The following RAD51B variants were observed in gnomAD, a reference collection of about 807,000 sequenced individuals.
The protein encoded by RAD51B is DNA repair protein RAD51 homolog 2.
Under a neutral mutation model 42.2 loss-of-function variants are expected in RAD51B, and 38 were observed. The ratio of observed to expected loss-of-function variants is 0.90; its 90% CI spans 0.70 to 1.18. RAD51B has a LOEUF of 1.18. Ranked by LOEUF, RAD51B falls within the 50% of genes most tolerant of loss-of-function variation. The probability of loss-of-function intolerance (pLI) is 0.00; values close to 1 mark genes in which losing one functional copy is unlikely to be tolerated. For missense variants in RAD51B, 373 were observed against 400.7 expected (o/e 0.93, Z 0.59); for synonymous variants, 154 against 145.2 (o/e 1.06, Z -0.43).
At chr14:68,642,823 G>T (rs575075966) in intron 10 of RAD51B, among the ~76,000 whole-genome samples, 2 of 152,162 alleles carry the variant, frequency 1.3e-5, no homozygotes, top group Non-Finnish European at 2.9e-5. Flanking sequence ...TTAAATCCAA[G>T]TATTTTTAAA....
At chr14:68,348,665 C>A (rs1319464539) in intron 8 of RAD51B, among the ~76,000 whole-genome samples, 1 of 152,134 alleles carries the variant, frequency 6.6e-6, no homozygotes, top group East Asian at 1.9e-4. Context: ...TTTGGGAGGC[C>A]GAGGTGGGCG....
In RAD51B at chr14:68,650,745, G is replaced by A. The variant is rs139103124; in HGVS notation, c.1037-36G>A. 138 of 735,668 alleles carry A rather than the reference G, an allele frequency of 1.9e-4. No homozygotes were observed. The East Asian group carries it at 3.3e-3, about 17-fold the overall frequency. 45.6% of individuals were successfully genotyped at this position (735,668 alleles called of 1,614,324 possible). A position where few individuals can be genotyped will look rare whatever the true frequency, so the allele number is the denominator to read the frequency against. ...AATCCTCTCAAAATAGGAAAAGCTAGGTTCCTTACAACCTATTTACTTTTT... is the reference window on the plus strand; with the variant it reads ...AATCCTCTCAAAATAGGAAAAGCTAAGTTCCTTACAACCTATTTACTTTTT... On this transcript the variant is annotated intron_variant, in intron 10 of 11. Coordinates refer to the RAD51B transcript ENST00000488612.
At chr14:68,312,214 C>A (rs950251556) in intron 8 of RAD51B, among the ~76,000 whole-genome samples, 10 of 152,138 alleles carry the variant, frequency 6.6e-5, no homozygotes, top group African/African-American at 2.2e-4. Flanking sequence ...AAGATTGGCT[C>A]AGCCTGCACT....
chr14:68,449,045 A>AT (rs1265952551), intron 9 of RAD51B, among the ~76,000 whole-genome samples: 1 of 152,188 alleles, frequency 6.6e-6, no homozygotes, highest in Non-Finnish European at 1.5e-5. Flanking sequence ...ATTATGGATA[A>AT]TTTTTCATGT....
intron 7 of RAD51B, among the ~76,000 whole-genome samples, chr14:67,983,527 AT>A (rs1468582054): frequency 6.6e-6 from 1 of 152,184 alleles, no homozygotes; most frequent in East Asian, 1.9e-4. Context: ...AGTTATACAA[AT>A]TTGTTAGCAT....
chr14:68,268,720 C>G (rs2081042992), intron 7 of RAD51B, among the ~76,000 whole-genome samples: 1 of 152,204 alleles, frequency 6.6e-6, no homozygotes, highest in South Asian at 2.1e-4. Context: ...CTCCATGAGA[C>G]TTTCAAATCC....
chr14:67,910,018 C>A (rs554851886), intron 7 of RAD51B, among the ~76,000 whole-genome samples: 49 of 152,192 alleles, frequency 3.2e-4, no homozygotes, highest in Admixed American at 5.9e-4. Flanking sequence ...ACTTGACAGG[C>A]CTTTGTTTAA....
At chr14:68,025,476 CTTT>C (rs765471138) in intron 7 of RAD51B, among the ~76,000 whole-genome samples, 325 of 40,942 alleles carry the variant, frequency 7.9e-3, no homozygotes, top group African/African-American at 0.025. Flanking sequence ...CTGGTCTAGG[CTTT>C]TTTTTTTTTT....
At chr14:68,080,181 T>C (rs2140487897) in intron 7 of RAD51B, among the ~76,000 whole-genome samples, 1 of 152,286 alleles carries the variant, frequency 6.6e-6, no homozygotes, top group East Asian at 1.9e-4. Flanking sequence ...GATTTTCCCA[T>C]TTGCAAAATA....
At chr14:67,823,663 A>T (rs188657838) in intron 2 of RAD51B, 36 bp downstream of exon 2, 2 of 1,515,476 alleles carry the variant, frequency 1.3e-6, no homozygotes, top group African/African-American at 1.4e-5. Flanking sequence ...GATAAGTTTT[A>T]TGCACAAGTT....
At chr14:68,521,078 T>A (rs886900556) in intron 10 of RAD51B, among the ~76,000 whole-genome samples, 20 of 152,074 alleles carry the variant, frequency 1.3e-4, no homozygotes, top group Non-Finnish European at 1.0e-4. Context: ...GAGTCTGTAG[T>A]GGAGTGGTGA....
chr14:67,823,449 T>A, intron 1 of RAD51B, 93 bp from the exon 2 acceptor site: 1 of 1,014,326 alleles, frequency 9.9e-7, no homozygotes, highest in Non-Finnish European at 1.5e-6. Context: ...CTTGAGGAAT[T>A]TTTAATTTTG....
chr14:68,087,358 G>T (rs1043928674), intron 7 of RAD51B, among the ~76,000 whole-genome samples: 1 of 151,972 alleles, frequency 6.6e-6, no homozygotes, highest in African/African-American at 2.4e-5. Context: ...AGACCCTCTG[G>T]AGACTTTTCC....
At chr14:68,464,108 T>C (rs917945915) in intron 9 of RAD51B, among the ~76,000 whole-genome samples, 1 of 152,230 alleles carries the variant, frequency 6.6e-6, no homozygotes, top group Non-Finnish European at 1.5e-5. Flanking sequence ...TCCCAAACAA[T>C]GTGTAGGATT....
At chr14:68,466,505 C>G (rs986038604) in intron 9 of RAD51B, among the ~76,000 whole-genome samples, 11 of 152,330 alleles carry the variant, frequency 7.2e-5, no homozygotes, top group Middle Eastern at 3.4e-3. Flanking sequence ...TGGCTCTGCC[C>G]TGAGAGGACT....
chr14:67,876,050 G>A (rs185468345), intron 5 of RAD51B, among the ~76,000 whole-genome samples: 3 of 152,080 alleles, frequency 2.0e-5, no homozygotes, highest in African/African-American at 7.2e-5. Flanking sequence ...GTGAATTAGT[G>A]GGGAGGGAGA....
intron 8 of RAD51B, among the ~76,000 whole-genome samples, chr14:68,392,519 A>T (rs1229549763): frequency 1.3e-5 from 2 of 152,166 alleles, no homozygotes; most frequent in Non-Finnish European, 2.9e-5. Context: ...TTTGAACTGA[A>T]TGATTTGATC....
At chr14:68,086,223 T>G (rs547385704) in intron 7 of RAD51B, among the ~76,000 whole-genome samples, 1 of 152,092 alleles carries the variant, frequency 6.6e-6, no homozygotes, top group Admixed American at 6.5e-5. Flanking sequence ...AGGCCGGGGC[T>G]CTCCAACGAC....
chr14:68,143,209 A>G (rs1191902468), intron 7 of RAD51B, among the ~76,000 whole-genome samples: 2 of 152,158 alleles, frequency 1.3e-5, no homozygotes, highest in Non-Finnish European at 2.9e-5. Context: ...CCCCATCTGT[A>G]AAATCAGTCT....
Sources: gnomAD v4.1 joint callset for allele counts (sites outside exome capture counted in the v4.1 genomes callset) on GRCh38, gnomAD v4.1.1 for gene constraint, MANE v1.5 for transcripts, NCBI Gene and HGNC (gene_info 2026-07-23, HGNC 2026-07-21) for gene names.